DNAH11: variants seen among roughly 807,000 people sequenced by gnomAD.
The protein encoded by DNAH11 is dynein axonemal heavy chain 11.
In DNAH11, 442 loss-of-function variants were observed where a neutral mutation model predicts 526.0. That is an observed-to-expected ratio of 0.84 (90% CI 0.78 to 0.91). DNAH11 has a LOEUF of 0.91. Ranked by LOEUF, DNAH11 falls within the 40% of genes least tolerant of loss-of-function variation. The pLI is 0.00. For missense variants in DNAH11, 6,989 were observed against 5,448.7 expected (o/e 1.28, Z -8.90); for synonymous variants, 2,461 against 1,935.9 (o/e 1.27, Z -7.12).
intron 42 of DNAH11, among the ~76,000 whole-genome samples, chr7:21,712,130 C>A (rs1339764783): frequency 6.6e-6 from 1 of 152,122 alleles, no homozygotes; most frequent in African/African-American, 2.4e-5. Context: ...TGGAATCATA[C>A]AGTGTTTGTC....
intron 34 of DNAH11, among the ~76,000 whole-genome samples, chr7:21,688,010 T>C (rs2128474163): frequency 6.6e-6 from 1 of 152,270 alleles, no homozygotes; most frequent in South Asian, 2.1e-4. Context: ...TGCAGTGAGA[T>C]GTGTTCGTGC....
chr7:21,594,874 G>A (rs570564802), intron 14 of DNAH11, among the ~76,000 whole-genome samples: 133 of 152,206 alleles, frequency 8.7e-4, no homozygotes, highest in Non-Finnish European at 1.6e-3. Context: ...TCACTCTGAG[G>A]TATGTGAAAG....
chr7:21,614,873 A>G (rs570699029), intron 20 of DNAH11, among the ~76,000 whole-genome samples: 1 of 152,348 alleles, frequency 6.6e-6, no homozygotes, highest in South Asian at 2.1e-4. Context: ...AATTTTGCTA[A>G]TACGTGTATA....
intron 61 of DNAH11, among the ~76,000 whole-genome samples, chr7:21,795,891 G>T (rs1489528980): frequency 6.6e-6 from 1 of 152,122 alleles, no homozygotes; most frequent in Non-Finnish European, 1.5e-5. Flanking sequence ...GTTTCCTCTT[G>T]AATCCAGTCT....
At chr7:21,680,376 T>A (rs1327059331) in intron 30 of DNAH11, among the ~76,000 whole-genome samples, 2 of 152,220 alleles carry the variant, frequency 1.3e-5, no homozygotes, top group Non-Finnish European at 2.9e-5. Context: ...ATACCTGGAA[T>A]AAGGCAGAAA....
chr7:21,572,177 A>G lies in DNAH11; in HGVS notation c.1593+204A>G, dbSNP rs557784761. ...TAAGCTTTTGCATTTTCAGTTCAGA[A>G]TGACGGCTGATAAAACTGCAGACCT... On this transcript the variant is annotated intron_variant, in intron 8 of 81. Coordinates refer to ENST00000409508, the MANE Select transcript of DNAH11 (RefSeq NM_001277115.2). 4.1e-4 allele frequency among the ~76,000 whole-genome samples: 62 copies of G among 152,324 alleles called. 1 individual carries two copies. In the South Asian group the frequency reaches 0.012, roughly 30 times the overall value.
chr7:21,585,234 A>C (rs1227781206), intron 9 of DNAH11, among the ~76,000 whole-genome samples: 2 of 152,140 alleles, frequency 1.3e-5, no homozygotes, highest in African/African-American at 4.8e-5. Context: ...TGACTTGTAC[A>C]AAGTGGCGTT....
chr7:21,643,494 G>A (rs976347334), intron 28 of DNAH11, among the ~76,000 whole-genome samples: 19 of 152,186 alleles, frequency 1.2e-4, no homozygotes, highest in Admixed American at 9.8e-4. Context: ...CACTGTCAAC[G>A]TGATTGGCTC....
rs191977507 is a variant in DNAH11 at position 21,701,465 on chromosome 7, T to A, written c.6181-1245T>A. On this transcript the variant is annotated intron_variant, in intron 36 of 81. Transcript: ENST00000409508. ...CCATCACGCCCAGCTAATTTTTGTA[T>A]TTTTTGCAGGAGTGGGGTTTCCCCC... is the stretch of plus-strand genomic sequence containing the variant. Among the ~76,000 whole-genome samples, 299 of 152,164 alleles carry A rather than the reference T, an allele frequency of 2.0e-3. 1 individual carries two copies. The highest frequency in any genetic ancestry group is 6.9e-3 in the African/African-American group (286 of 41,510).
chr7:21,737,067 C>T (rs1488604143), intron 46 of DNAH11, among the ~76,000 whole-genome samples: 6 of 152,132 alleles, frequency 3.9e-5, no homozygotes, highest in African/African-American at 1.4e-4. Flanking sequence ...CCTATTAGTG[C>T]GAGGAATAGA....
chr7:21,612,304 C>T (rs1016879386), intron 20 of DNAH11, among the ~76,000 whole-genome samples: 9 of 152,004 alleles, frequency 5.9e-5, no homozygotes, highest in East Asian at 5.8e-4. Flanking sequence ...GCCTGTAATC[C>T]CAGCACTTTG....
intron 56 of DNAH11, among the ~76,000 whole-genome samples, chr7:21,775,495 G>A (rs1421104378): frequency 6.6e-6 from 1 of 151,926 alleles, no homozygotes; most frequent in Non-Finnish European, 1.5e-5. Context: ...GCGCACACCT[G>A]TAGACCCAGC....
chr7:21,563,990 C>T (rs939609630), intron 5 of DNAH11, among the ~76,000 whole-genome samples, 196 bp from the exon 6 acceptor site: 5 of 152,146 alleles, frequency 3.3e-5, no homozygotes, highest in Non-Finnish European at 7.3e-5. Flanking sequence ...CCAGATGACT[C>T]AGTTACAGAT....
At chr7:21,767,508 C>G (rs1254871506) in intron 55 of DNAH11, among the ~76,000 whole-genome samples, 1 of 152,164 alleles carries the variant, frequency 6.6e-6, no homozygotes, top group East Asian at 1.9e-4. Flanking sequence ...CAGAGGGCTC[C>G]TGTCAGGTGC....
chr7:21,726,510 G>A (rs1476711429), intron 45 of DNAH11, among the ~76,000 whole-genome samples: 1 of 151,258 alleles, frequency 6.6e-6, no homozygotes, highest in Non-Finnish European at 1.5e-5. Flanking sequence ...AAGTTATTGT[G>A]TTAATATGCT....
intron 54 of DNAH11, among the ~76,000 whole-genome samples, chr7:21,756,956 C>T (rs1583663093): frequency 1.3e-5 from 2 of 152,254 alleles, no homozygotes; most frequent in South Asian, 4.1e-4. Flanking sequence ...ACACATTTCT[C>T]ATTAAGTTCT....
At chr7:21,612,826 C>T (rs1305735857) in intron 20 of DNAH11, among the ~76,000 whole-genome samples, 1 of 152,128 alleles carries the variant, frequency 6.6e-6, no homozygotes, top group Non-Finnish European at 1.5e-5. Flanking sequence ...AACAAGTTTT[C>T]ATTTAAGGAA....
intron 14 of DNAH11, among the ~76,000 whole-genome samples, chr7:21,596,377 C>A (rs932139308): frequency 6.6e-6 from 1 of 152,110 alleles, no homozygotes; most frequent in Non-Finnish European, 1.5e-5. Flanking sequence ...GGTGTCCTGA[C>A]GTGTAAGGGA....
intron 30 of DNAH11, among the ~76,000 whole-genome samples, chr7:21,661,730 A>T (rs1030597933): frequency 6.6e-6 from 1 of 152,146 alleles, no homozygotes; most frequent in Non-Finnish European, 1.5e-5. Flanking sequence ...TAGCTACTCT[A>T]TGCCTTAGTT....
Sources: gnomAD v4.1 joint callset for allele counts (sites outside exome capture counted in the v4.1 genomes callset) on GRCh38, gnomAD v4.1.1 for gene constraint, MANE v1.5 for transcripts, NCBI Gene and HGNC (gene_info 2026-07-23, HGNC 2026-07-21) for gene names.